Variants in GULP1 observed in about 807,000 individuals in gnomAD.
GULP1 encodes GULP PTB domain containing engulfment adaptor 1.
A neutral mutation model predicts 40.9 loss-of-function variants in GULP1; 19 were observed. The observed-to-expected ratio is 0.46, with a 90% CI of 0.32 to 0.68. GULP1 has a LOEUF of 0.68. Among genes scored for constraint, GULP1 ranks in the 30% least tolerant of loss-of-function variants. The pLI is 0.03. For missense variants in GULP1, 312 were observed against 362.2 expected, an observed-to-expected ratio of 0.86 and a Z score of 1.12; for synonymous variants, 119 against 117.6, an observed-to-expected ratio of 1.01 and a Z score of -0.08.
chr2:188,446,436 T>A (rs1249821043), intron 2 of GULP1, among the ~76,000 whole-genome samples: 1 of 152,168 alleles, frequency 6.6e-6, no homozygotes, highest in Non-Finnish European at 1.5e-5. Flanking sequence ...CTCCAAAGTA[T>A]CCTTACAAAG....
Position 188,533,950 on chromosome 2 carries a change from A to G in GULP1, c.261+4755A>G, listed in dbSNP as rs560856500. Among the ~76,000 whole-genome samples, 40 of 152,298 alleles carry G rather than the reference A, an allele frequency of 2.6e-4. No homozygotes were observed. In the South Asian group the frequency reaches 5.0e-3, roughly 19 times the overall value. ...ATGAGATACAATCACCACCATGCAGAATAACTGTTATTAAAAAGTTCAAAA... is the reference window on the plus strand; with the variant it reads ...ATGAGATACAATCACCACCATGCAGGATAACTGTTATTAAAAAGTTCAAAA... On this transcript the variant is annotated intron_variant, in intron 6 of 11. Transcript: ENST00000409830.
rs567446751 is a variant in GULP1, at chr2:188,504,148, A to G, written c.91-18608A>G. The stretch of plus-strand genomic sequence containing the variant: ...TTCAGCTGTCACTCTTCTGTACAGT[A>G]GAAGGAAATGTCATGACTTCTAACT... On this transcript the variant is annotated intron_variant, in intron 4 of 11. Coordinates refer to ENST00000409830, the MANE Select transcript of GULP1 (RefSeq NM_016315.4). 3.3e-5 allele frequency among the ~76,000 whole-genome samples: 5 copies of G among 152,064 alleles called. No individual in the cohort carries two copies. The East Asian group carries it at 9.7e-4, about 30-fold the overall frequency.
intron 1 of GULP1, among the ~76,000 whole-genome samples, chr2:188,325,314 A>G (rs1214777313): frequency 6.6e-6 from 1 of 152,078 alleles, no homozygotes; most frequent in Non-Finnish European, 1.5e-5. Context: ...TTCTGATTAT[A>G]TTTCAGACTA....
At chr2:188,576,961 C>A (rs1700290942) in intron 9 of GULP1, among the ~76,000 whole-genome samples, 1 of 152,096 alleles carries the variant, frequency 6.6e-6, no homozygotes, top group Non-Finnish European at 1.5e-5. Context: ...GCCCTCATAG[C>A]CTCATAGCCT....
intron 1 of GULP1, among the ~76,000 whole-genome samples, chr2:188,319,842 G>C (rs547161612): frequency 1.3e-5 from 2 of 151,714 alleles, no homozygotes; most frequent in Non-Finnish European, 2.9e-5. Flanking sequence ...TCTTTCATTT[G>C]ATCTTTTTTG....
At chr2:188,462,227 A>T (rs1002995030) in intron 2 of GULP1, among the ~76,000 whole-genome samples, 4 of 151,998 alleles carry the variant, frequency 2.6e-5, no homozygotes, top group Admixed American at 2.6e-4. Flanking sequence ...TTATGTCTTT[A>T]TATAGTTTCC....
At chr2:188,430,160 CAG>C (rs1256752944) in intron 2 of GULP1, among the ~76,000 whole-genome samples, 1 of 152,152 alleles carries the variant, frequency 6.6e-6, no homozygotes, top group Non-Finnish European at 1.5e-5. Context: ...TTGATTAAAA[CAG>C]AGTCATAGGT....
At chr2:188,382,254 C>T (rs1008707279) in intron 1 of GULP1, among the ~76,000 whole-genome samples, 1 of 152,056 alleles carries the variant, frequency 6.6e-6, no homozygotes, top group African/African-American at 2.4e-5. Flanking sequence ...TGGGAGCAAC[C>T]CTCAGCTAAT....
intron 5 of GULP1, among the ~76,000 whole-genome samples, chr2:188,527,130 C>T (rs897231239): frequency 1.3e-5 from 2 of 152,108 alleles, no homozygotes; most frequent in Non-Finnish European, 2.9e-5. Flanking sequence ...TCCTTCCTTT[C>T]TTTAATTCTT....
chr2:188,523,455 C>T (rs370647326), intron 5 of GULP1, among the ~76,000 whole-genome samples: 3 of 152,246 alleles, frequency 2.0e-5, no homozygotes, highest in East Asian at 1.9e-4. Context: ...CTAATTGTTC[C>T]GCATCTCGAA....
intron 1 of GULP1, among the ~76,000 whole-genome samples, chr2:188,347,219 T>G (rs1386254550): frequency 6.6e-6 from 1 of 152,162 alleles, no homozygotes; most frequent in Non-Finnish European, 1.5e-5. Flanking sequence ...AATTTATTAT[T>G]AACTGGATTT....
At chr2:188,377,797 A>G (rs545247098) in intron 1 of GULP1, among the ~76,000 whole-genome samples, 2 of 152,276 alleles carry the variant, frequency 1.3e-5, no homozygotes, top group East Asian at 1.9e-4. Flanking sequence ...AAAACAATAT[A>G]TACGCCAATT....
chr2:188,546,179 A>T (rs886337051), intron 7 of GULP1, among the ~76,000 whole-genome samples: 6 of 152,016 alleles, frequency 3.9e-5, no homozygotes, highest in African/African-American at 1.4e-4. Context: ...ATAATTAGAA[A>T]ATCATCAAGG....
At chr2:188,356,991 AAACAG>A (rs2045415499) in intron 1 of GULP1, among the ~76,000 whole-genome samples, 1 of 152,182 alleles carries the variant, frequency 6.6e-6, no homozygotes, top group African/African-American at 2.4e-5. Flanking sequence ...CATGCTGGGA[AAACAG>A]GATATCCACA....
chr2:188,549,723 A>G (rs942458107), intron 7 of GULP1, among the ~76,000 whole-genome samples: 4 of 151,840 alleles, frequency 2.6e-5, no homozygotes, highest in Non-Finnish European at 4.4e-5. Flanking sequence ...CGAAAACTAC[A>G]ATCCATCCAG....
chr2:188,482,023 G>A (rs905242235), intron 3 of GULP1, among the ~76,000 whole-genome samples: 4 of 148,824 alleles, frequency 2.7e-5, no homozygotes, highest in African/African-American at 2.4e-5. Flanking sequence ...AAATGTCAAC[G>A]TCAATATTTT....
At chr2:188,309,238 G>C (rs2037658384) in intron 1 of GULP1, among the ~76,000 whole-genome samples, 1 of 152,122 alleles carries the variant, frequency 6.6e-6, no homozygotes, top group Non-Finnish European at 1.5e-5. Flanking sequence ...GGTTGAGGTG[G>C]GCAGGTTGCT....
At chr2:188,472,881 T>G (rs959541780) in intron 2 of GULP1, among the ~76,000 whole-genome samples, 1 of 152,172 alleles carries the variant, frequency 6.6e-6, no homozygotes, top group Admixed American at 6.5e-5. Flanking sequence ...AAGAGTTAGG[T>G]ATTTATTGTA....
chr2:188,544,518 C>T (rs1240450180), intron 7 of GULP1, among the ~76,000 whole-genome samples: 1 of 150,766 alleles, frequency 6.6e-6, no homozygotes, highest in Non-Finnish European at 1.5e-5. Context: ...GCATAAGTAC[C>T]CTAAAACTTA....
Sources: gnomAD v4.1 joint callset for allele counts (sites outside exome capture counted in the v4.1 genomes callset) on GRCh38, gnomAD v4.1.1 for gene constraint, MANE v1.5 for transcripts, NCBI Gene and HGNC (gene_info 2026-07-23, HGNC 2026-07-21) for gene names.